The following PLG variants were observed in gnomAD, a reference collection of about 807,000 sequenced individuals.
PLG encodes plasminogen.
In PLG, 41 loss-of-function variants were observed where a neutral mutation model predicts 104.4. The observed-to-expected ratio is 0.39, with a 90% confidence interval of 0.31 to 0.51. The LOEUF is 0.51. Ranked by LOEUF, PLG falls within the 20% of genes least tolerant of loss-of-function variation. The pLI, the probability that PLG is intolerant of heterozygous loss-of-function variation, is 0.76. For missense variants in PLG, 891 were observed against 1,003.6 expected, an observed-to-expected ratio of 0.89 and a Z score of 1.52; for synonymous variants, 337 against 357.1, an observed-to-expected ratio of 0.94 and a Z score of 0.63.
chr6:160,712,992 A>G lies in PLG; in HGVS notation c.414A>G (p.Ser138=). Residue 138 remains serine (S), a synonymous_variant, in exon 5 of 19, where the codon TCA becomes TCG. Transcript: ENST00000308192. ...TCTTTTCCATCCTCCCCAGATTCTC[A>G]CCTGCTACACACCCCTCAGAGGGAC... is the stretch of plus-strand genomic sequence containing the variant. ...SSTSPHRPRF[S]PATHPSEGLE... is the part of the protein sequence containing the mutation. 6.2e-7 allele frequency: 1 copy of G among 1,610,310 alleles called. No individual in the cohort carries two copies. The highest frequency in any genetic ancestry group is 8.5e-7 in the Non-Finnish European group (1 of 1,178,390).
chr6:160,705,220 G>A (rs1458045392), intron 1 of PLG, among the ~76,000 whole-genome samples: 1 of 152,186 alleles, frequency 6.6e-6, no homozygotes, highest in Non-Finnish European at 1.5e-5. Flanking sequence ...GGACGGAGCT[G>A]GCATCTCCAG....
intron 7 of PLG, among the ~76,000 whole-genome samples, chr6:160,717,135 C>T (rs564583936): frequency 6.6e-6 from 1 of 150,962 alleles, no homozygotes; most frequent in South Asian, 2.1e-4. Flanking sequence ...GTTTTGTAAA[C>T]AAAGAGTGTC....
intron 17 of PLG, among the ~76,000 whole-genome samples, chr6:160,743,574 T>A (rs572166483): frequency 7.2e-5 from 11 of 152,166 alleles, no homozygotes; most frequent in African/African-American, 2.4e-4. Context: ...GACTATGGGG[T>A]TTTCTAGACA....
intron 17 of PLG, among the ~76,000 whole-genome samples, chr6:160,745,771 G>A (rs1255592196): frequency 6.6e-6 from 1 of 152,192 alleles, no homozygotes; most frequent in Non-Finnish European, 1.5e-5. Flanking sequence ...GTATTGGCTG[G>A]TAGCCATCTT....
intron 17 of PLG, among the ~76,000 whole-genome samples, chr6:160,748,406 A>AAG: frequency 1.2e-5 from 1 of 82,472 alleles, no homozygotes; most frequent in Non-Finnish European, 2.4e-5. Context: ...GAAAGGAAGA[A>AAG]AGAAAGAAAG....
At chr6:160,715,628 A>G (rs140622114) in intron 6 of PLG, among the ~76,000 whole-genome samples, 62 of 152,342 alleles carry the variant, frequency 4.1e-4, no homozygotes, top group African/African-American at 1.3e-3. Context: ...TCTTCATTCT[A>G]TGATGACTAC....
chr6:160,714,645 ATTTTATTG>A, intron 5 of PLG, 141 bp from the exon 6 acceptor site: 1 of 411,662 alleles, frequency 2.4e-6, no homozygotes, highest in Admixed American at 3.7e-5. Flanking sequence ...CTTATTGCCA[ATTTTATTG>A]CCAAGTGCCT....
At position 160,731,921 on chromosome 6, in the gene PLG, G is replaced by T. The variant is rs1227343869; in HGVS notation, c.1587+28G>T. On this transcript the variant is annotated intron_variant, in intron 12 of 18. Coordinates refer to ENST00000308192, the MANE Select transcript of PLG (RefSeq NM_000301.5). The surrounding 1 kb of genome is among the most constrained non-coding windows in gnomAD (Gnocchi z 5.1). ...AAGCCACTTTGATTTGGACTCTTTG[G>T]CCTTTTGCTCACCAATCTTTGCAAA... 1 of 1,612,164 alleles carries T rather than the reference G, an allele frequency of 6.2e-7. No individual in the cohort carries two copies. The highest frequency in any genetic ancestry group is 8.5e-7 in the Non-Finnish European group (1 of 1,178,406).
chr6:160,748,409 AAAGAAAGG>A lies in PLG; in HGVS notation c.2126-3705_2126-3698del, dbSNP rs1251630268. Reference sequence around the variant, plus strand: ...GAAAGAAAGAAAGAAAGGAAGAAAGAAAGAAAGGGAAAGAAAGAGAACGAAAGAAAGAA... The same window carrying A: ...GAAAGAAAGAAAGAAAGGAAGAAAGAGAAAGAAAGAGAACGAAAGAAAGAA... On this transcript the variant is annotated intron_variant, in intron 17 of 18. Coordinates refer to ENST00000308192, the MANE Select transcript of PLG (RefSeq NM_000301.5). 1.3e-4 allele frequency among the ~76,000 whole-genome samples: 10 copies of A among 78,986 alleles called. 1 individual carries two copies. The highest frequency in any genetic ancestry group is 2.5e-4 in the Non-Finnish European group (10 of 40,462). 51.8% of individuals were successfully genotyped at this position (78,986 alleles called of 152,430 possible). A position where few individuals can be genotyped will look rare whatever the true frequency, so the allele number is the denominator to read the frequency against.
rs1582947001 is a variant in PLG at position 160,736,808 on chromosome 6, G to A, written c.1682-79G>A. On this transcript the variant is annotated intron_variant, in intron 13 of 18. Coordinates refer to ENST00000308192, the MANE Select transcript of PLG (RefSeq NM_000301.5). The surrounding 1 kb of genome is among the most constrained non-coding windows in gnomAD (Gnocchi z 5.2). The stretch of plus-strand genomic sequence containing the variant: ...GCCTTTAAGATGTCAAAAACTCAGT[G>A]CTTGGAATTTGTCTCGAATTACACC... 1 of 1,580,814 alleles carries A rather than the reference G, an allele frequency of 6.3e-7. No homozygotes were observed. Among genetic ancestry groups the A allele is most frequent in the Admixed American group, 1.7e-5 (1 of 59,800 alleles).
rs1169440593 is a variant in PLG at position 160,737,518 on chromosome 6, C to G, written c.1802+511C>G. On this transcript the variant is annotated intron_variant, in intron 14 of 18. Coordinates refer to ENST00000308192, the MANE Select transcript of PLG (RefSeq NM_000301.5). The surrounding 1 kb of genome is among the most constrained non-coding windows in gnomAD (Gnocchi z 4.7). ...ATTCGCAAACAAAAAAATTCTAGGTCATGATCCCCATAAATGAAGAGTGAT... is the reference window on the plus strand; with the variant it reads ...ATTCGCAAACAAAAAAATTCTAGGTGATGATCCCCATAAATGAAGAGTGAT... Among the ~76,000 whole-genome samples, 1 of 152,212 alleles carries G rather than the reference C, an allele frequency of 6.6e-6. No individual in the cohort carries two copies. The highest frequency in any genetic ancestry group is 6.5e-5 in the Admixed American group (1 of 15,288).
chr6:160,730,838 A>G (rs1582943819), intron 10 of PLG: 1 of 514,972 alleles, frequency 1.9e-6, no homozygotes, highest in East Asian at 3.4e-5. Context: ...ACTACTTTTG[A>G]TTTTTTAAAG....
rs907982047 is a variant in PLG at position 160,723,173 on chromosome 6, T to C, written c.1256+606T>C. ...TATATTAGAATATATATAACATAAA[T>C]ATGTATATATATATATTCTGACCTG... On this transcript the variant is annotated intron_variant, in intron 10 of 18. Coordinates refer to ENST00000308192, the MANE Select transcript of PLG (RefSeq NM_000301.5). This position sits in a 1 kb window ranked among gnomAD's most constrained non-coding sequence, Gnocchi z 4.7. Among the ~76,000 whole-genome samples, 1 of 139,762 alleles carries C rather than the reference T, an allele frequency of 7.2e-6. No individual in the cohort carries two copies. Among genetic ancestry groups the C allele is most frequent in the African/African-American group, 3.2e-5 (1 of 31,164 alleles). The allele number at this position is 139,762 out of a possible 152,430, so 91.7% of individuals were successfully genotyped here.
intron 17 of PLG, among the ~76,000 whole-genome samples, chr6:160,747,147 C>G (rs1778290112): frequency 6.6e-6 from 1 of 152,182 alleles, no homozygotes; most frequent in South Asian, 2.1e-4. Context: ...ACCCACATGT[C>G]TAATGTAAGT....
At chr6:160,743,484 G>T (rs745410239) in intron 17 of PLG, among the ~76,000 whole-genome samples, 1 of 152,162 alleles carries the variant, frequency 6.6e-6, no homozygotes, top group East Asian at 1.9e-4. Flanking sequence ...GTAAAGGGAT[G>T]CTAGTGATTT....
Position 160,732,015 on chromosome 6 carries a change from A to G in PLG, c.1587+122A>G. On this transcript the variant is annotated intron_variant, in intron 12 of 18. Coordinates refer to ENST00000308192, the MANE Select transcript of PLG (RefSeq NM_000301.5). The surrounding 1 kb of genome is among the most constrained non-coding windows in gnomAD (Gnocchi z 4.5). The stretch of plus-strand genomic sequence containing the variant: ...TTTTTTGTAATGGGGGAGAGGGGAC[A>G]GAAGAAAATATTGGAAAGGCATCAG... 2 of 1,019,454 alleles carry G rather than the reference A, an allele frequency of 2.0e-6. No homozygotes were observed. The highest frequency in any genetic ancestry group is 1.3e-5 in the South Asian group (1 of 78,110). The allele number at this position is 1,019,454 out of a possible 1,614,324, so 63.2% of individuals were successfully genotyped here. A position where few individuals can be genotyped will look rare whatever the true frequency, so the allele number is the denominator to read the frequency against.
rs4252144 is a variant in PLG at position 160,737,169 on chromosome 6, T to C, written c.1802+162T>C. 4.2e-3 allele frequency among the ~76,000 whole-genome samples: 641 copies of C among 152,176 alleles called. 6 individuals are homozygous for C. Among genetic ancestry groups the C allele is most frequent in the African/African-American group, 0.014 (600 of 41,484 alleles). ...AAAAATTAATATATGTATATATACA[T>C]ATATATTTTTATAGGTTCTCTACTG... On this transcript the variant is annotated intron_variant, in intron 14 of 18. Coordinates refer to ENST00000308192, the MANE Select transcript of PLG (RefSeq NM_000301.5). The surrounding 1 kb of genome is among the most constrained non-coding windows in gnomAD (Gnocchi z 4.7).
chr6:160,712,939 C>T (rs776039998), intron 4 of PLG, 47 bp from the exon 5 acceptor site: 11 of 1,522,956 alleles, frequency 7.2e-6, no homozygotes, highest in Admixed American at 3.3e-5. Flanking sequence ...TAATAGCAAG[C>T]TGATTTTTAG....
At position 160,724,541 on chromosome 6, in the gene PLG, A is replaced by G. The variant is rs1777894985; in HGVS notation, c.1256+1974A>G. Among the ~76,000 whole-genome samples the G allele has an allele frequency of 6.6e-6, 1 of 152,180 alleles. No homozygotes were observed. The highest frequency in any genetic ancestry group is 1.5e-5 in the Non-Finnish European group (1 of 68,026). On this transcript the variant is annotated intron_variant, in intron 10 of 18. Transcript: ENST00000308192. The surrounding 1 kb of genome is among the most constrained non-coding windows in gnomAD (Gnocchi z 5.0). The stretch of plus-strand genomic sequence containing the variant: ...AGAGGAAAGAGATATTGGGACAGAA[A>G]AAAATACTTGAAGCAACAAGAAAAA...
Sources: gnomAD v4.1 joint callset for allele counts (sites outside exome capture counted in the v4.1 genomes callset) on GRCh38, gnomAD v4.1.1 for gene constraint, Gnocchi (gnomAD v3.1) non-coding constraint, MANE v1.5 for transcripts, NCBI Gene and HGNC (gene_info 2026-07-23, HGNC 2026-07-21) for gene names.